The following ASIC2 variants were observed in gnomAD, a reference collection of about 807,000 sequenced individuals.
ASIC2 encodes acid sensing ion channel subunit 2.
A neutral mutation model predicts 57.3 loss-of-function variants in ASIC2; 25 were observed. That is an observed-to-expected ratio of 0.44 (90% CI 0.32 to 0.61). The LOEUF (loss-of-function observed/expected upper bound fraction) is 0.61. ASIC2 is among the 20% of genes least tolerant of loss of function. The pLI is 0.06. For missense variants in ASIC2, 641 were observed against 738.1 expected, an observed-to-expected ratio of 0.87 and a Z score of 1.52; for synonymous variants, 319 against 307.5, an observed-to-expected ratio of 1.04 and a Z score of -0.39.
At chr17:33,050,756 G>A (rs1213051562) in intron 3 of ASIC2, among the ~76,000 whole-genome samples, 1 of 152,072 alleles carries the variant, frequency 6.6e-6, no homozygotes, top group Non-Finnish European at 1.5e-5. Context: ...ACTTGAGATT[G>A]TTCCATGGAC....
At chr17:34,038,198 A>G in intron 1 of ASIC2, 1 of 1,612,234 alleles carries the variant, frequency 6.2e-7, no homozygotes, top group Admixed American at 1.7e-5. Context: ...TATTTCATTT[A>G]AGTACTTTAA....
intron 1 of ASIC2, among the ~76,000 whole-genome samples, chr17:33,764,745 C>T (rs907851040): frequency 3.3e-5 from 5 of 152,154 alleles, no homozygotes; most frequent in Non-Finnish European, 7.3e-5. Context: ...ATGTTAAAGG[C>T]CCCATCTGTC....
intron 1 of ASIC2, among the ~76,000 whole-genome samples, chr17:33,691,039 G>A (rs945363219): frequency 4.6e-5 from 7 of 152,028 alleles, no homozygotes; most frequent in Non-Finnish European, 7.4e-5. Context: ...GTGAAACACC[G>A]TGCCCGGCCT....
chr17:33,108,793 C>T (rs2092245424), intron 2 of ASIC2, among the ~76,000 whole-genome samples: 1 of 152,110 alleles, frequency 6.6e-6, no homozygotes, highest in South Asian at 2.1e-4. Context: ...ACCTCAGCCT[C>T]CTTTTCTGGA....
chr17:33,961,141 T>C (rs1904907348), intron 1 of ASIC2, among the ~76,000 whole-genome samples: 2 of 152,084 alleles, frequency 1.3e-5, no homozygotes, highest in South Asian at 4.1e-4. Context: ...ATGTGGAAAC[T>C]GAGAACAGAA....
chr17:33,369,132 G>A (rs1952014553), intron 1 of ASIC2, among the ~76,000 whole-genome samples: 1 of 152,120 alleles, frequency 6.6e-6, no homozygotes, highest in African/African-American at 2.4e-5. Context: ...AATATCAAAG[G>A]GCAGTGAGTG....
chr17:34,049,877 A>G (rs910354502), intron 1 of ASIC2, among the ~76,000 whole-genome samples: 1 of 152,158 alleles, frequency 6.6e-6, no homozygotes, highest in Non-Finnish European at 1.5e-5. Context: ...TGGACCTTCA[A>G]TAAACCCTGT....
chr17:33,949,274 C>A (rs1178627517), intron 1 of ASIC2, among the ~76,000 whole-genome samples: 1 of 152,026 alleles, frequency 6.6e-6, no homozygotes, highest in South Asian at 2.1e-4. Context: ...AGGGCACGAG[C>A]GAGAACTGGT....
intron 1 of ASIC2, among the ~76,000 whole-genome samples, chr17:33,897,844 G>A (rs1915132560): frequency 6.6e-6 from 1 of 152,182 alleles, no homozygotes; most frequent in South Asian, 2.1e-4. Context: ...TTGCAACTGT[G>A]AAAACAAGTC....
At chr17:33,413,083 A>T (rs1298921327) in intron 1 of ASIC2, among the ~76,000 whole-genome samples, 4 of 152,092 alleles carry the variant, frequency 2.6e-5, no homozygotes, top group Non-Finnish European at 5.9e-5. Flanking sequence ...TTCTCCAGAG[A>T]TGGGGGCATA....
At chr17:33,353,842 C>T (rs1908274181) in intron 1 of ASIC2, among the ~76,000 whole-genome samples, 1 of 152,118 alleles carries the variant, frequency 6.6e-6, no homozygotes, top group Non-Finnish European at 1.5e-5. Context: ...TCTGACCAAG[C>T]ACAGGGTCTC....
At chr17:34,020,725 C>A (rs1318568983) in intron 1 of ASIC2, among the ~76,000 whole-genome samples, 1 of 152,052 alleles carries the variant, frequency 6.6e-6, no homozygotes, top group Non-Finnish European at 1.5e-5. Flanking sequence ...TGGCCAACAA[C>A]CTAAAGGAGC....
At position 33,237,623 on chromosome 17, in the gene ASIC2, C is replaced by T. The variant is rs912363539; in HGVS notation, c.708+53785G>A. Among the ~76,000 whole-genome samples the T allele has an allele frequency of 9.2e-5, 14 of 152,152 alleles. No individual in the cohort carries two copies. The South Asian group carries it at 1.5e-3, about 16-fold the overall frequency. ...CTGGGATTACAGGTGTGAGCCACCG[C>T]GCCCGGCCTTAGTAGATGTTTGACT... On this transcript the variant is annotated intron_variant, in intron 1 of 9. Transcript: ENST00000225823.
At chr17:33,571,137 G>T (rs1916422540) in intron 1 of ASIC2, among the ~76,000 whole-genome samples, 1 of 151,980 alleles carries the variant, frequency 6.6e-6, no homozygotes, top group Non-Finnish European at 1.5e-5. Flanking sequence ...TTAGTCCCAA[G>T]TTCTCCACTT....
Position 33,669,327 on chromosome 17 carries a change from A to G in ASIC2, c.555+486651T>C, listed in dbSNP as rs543282414. Among the ~76,000 whole-genome samples the G allele has an allele frequency of 5.3e-5, 8 of 152,354 alleles. No individual in the cohort carries two copies. In the South Asian group the frequency reaches 1.7e-3, roughly 32 times the overall value. On this transcript the variant is annotated intron_variant, in intron 1 of 9. Transcript: ENST00000359872. ...GAAAAGGGTAATGTATTACCTCAGC[A>G]GTATATCTACCTGTGCTCATTTTCA...
intron 1 of ASIC2, among the ~76,000 whole-genome samples, chr17:34,083,160 T>TATCCCTC (rs1909962491): frequency 6.9e-6 from 1 of 145,666 alleles, no homozygotes; most frequent in African/African-American, 2.5e-5. Context: ...CTCCCAGTGC[T>TATCCCTC]ATCCCTCCCC....
intron 1 of ASIC2, chr17:34,037,900 A>G (rs1158049820): frequency 2.5e-6 from 4 of 1,613,874 alleles, no homozygotes; most frequent in Non-Finnish European, 3.4e-6. Context: ...TATGGCCAAA[A>G]GGCTTCCTTC....
At chr17:33,779,629 G>A (rs1285166702) in intron 1 of ASIC2, among the ~76,000 whole-genome samples, 1 of 152,126 alleles carries the variant, frequency 6.6e-6, no homozygotes, top group African/African-American at 2.4e-5. Context: ...GGAAAGTGTG[G>A]GAGAAATAAT....
intron 1 of ASIC2, among the ~76,000 whole-genome samples, chr17:33,236,381 G>T (rs1283109208): frequency 6.7e-6 from 1 of 149,570 alleles, no homozygotes; most frequent in Non-Finnish European, 1.5e-5. Flanking sequence ...ATCTTCCTCT[G>T]TGTTGCCCAG....
Sources: gnomAD v4.1 joint callset for allele counts (sites outside exome capture counted in the v4.1 genomes callset) on GRCh38, gnomAD v4.1.1 for gene constraint, MANE v1.5 for transcripts, NCBI Gene and HGNC (gene_info 2026-07-23, HGNC 2026-07-21) for gene names.